SOX6: variants seen among roughly 807,000 people sequenced by gnomAD.
The protein encoded by SOX6 is SRY-box transcription factor 6.
Under a neutral mutation model 97.8 loss-of-function variants are expected in SOX6, and 11 were observed. The observed-to-expected ratio is 0.11, with a 90% confidence interval of 0.07 to 0.19. The LOEUF is 0.19. Ranked by LOEUF, SOX6 falls within the 10% of genes least tolerant of loss-of-function variation. The pLI, the probability that SOX6 is intolerant of heterozygous loss-of-function variation, is 1.00. For missense variants in SOX6, 810 were observed against 1,039.5 expected (o/e 0.78, Z 3.04); for synonymous variants, 360 against 371.4 (o/e 0.97, Z 0.35).
chr11:16,709,218 TA>T (rs894536744), intron 3 of SOX6, among the ~76,000 whole-genome samples: 1 of 152,110 alleles, frequency 6.6e-6, no homozygotes, highest in Non-Finnish European at 1.5e-5. Flanking sequence ...AATGGTTTTT[TA>T]AAGGTGTGTG....
rs56921161 is a variant in SOX6, at chr11:16,287,257, GTC to G, written c.445+31187_445+31188del. 3.1e-3 allele frequency among the ~76,000 whole-genome samples: 372 copies of G among 120,558 alleles called. 1 individual carries two copies. Among genetic ancestry groups the G allele is most frequent in the African/African-American group, 0.011 (345 of 30,530 alleles). The allele number at this position is 120,558 out of a possible 152,430, so 79.1% of individuals were successfully genotyped here. A position where few individuals can be genotyped will look rare whatever the true frequency, so the allele number is the denominator to read the frequency against. ...TCTCCTTTTAATCTCTCTTCTCTCT[GTC>G]TCTCTCTCTCTCTCTCTCTCTCTCT... On this transcript the variant is annotated intron_variant, in intron 3 of 15. Transcript: ENST00000683767.
intron 4 of SOX6, among the ~76,000 whole-genome samples, chr11:16,204,570 G>T (rs1272336035): frequency 2.6e-5 from 3 of 116,726 alleles, no homozygotes; most frequent in Non-Finnish European, 5.8e-5. Flanking sequence ...GAAAAAGAAA[G>T]AAAGAAAAAA....
rs888788759 is a variant in SOX6, at chr11:16,231,146, C to T, written c.535+3436G>A. Among the ~76,000 whole-genome samples, 22 of 151,304 alleles carry T rather than the reference C, an allele frequency of 1.5e-4. 1 individual carries two copies. The highest frequency in any genetic ancestry group is 1.3e-3 in the Admixed American group (19 of 15,184). ...GATGAAGAAGCCTTTCTAAACAAAC[C>T]CCCTATAGAAAAAAGCATTAAAGAA... On this transcript the variant is annotated intron_variant, in intron 4 of 15. Transcript: ENST00000683767.
At chr11:16,071,741 C>T (rs1848228939) in intron 9 of SOX6, among the ~76,000 whole-genome samples, 1 of 152,078 alleles carries the variant, frequency 6.6e-6, no homozygotes, top group South Asian at 2.1e-4. Context: ...TGTCTTCCAA[C>T]TGTCGTCCCT....
At chr11:16,103,488 T>C (rs1003981529) in intron 7 of SOX6, among the ~76,000 whole-genome samples, 2 of 151,932 alleles carry the variant, frequency 1.3e-5, no homozygotes, top group African/African-American at 4.8e-5. Flanking sequence ...AAAGTAGACC[T>C]ACTGTTTGAT....
chr11:16,259,282 T>C (rs921784059), intron 3 of SOX6, among the ~76,000 whole-genome samples: 6 of 152,040 alleles, frequency 3.9e-5, no homozygotes, highest in Non-Finnish European at 8.8e-5. Flanking sequence ...AATAATTTTC[T>C]GAAATCCTAA....
intron 4 of SOX6, among the ~76,000 whole-genome samples, chr11:16,493,653 A>T (rs962375416): frequency 1.3e-5 from 2 of 152,216 alleles, no homozygotes; most frequent in Non-Finnish European, 2.9e-5. Flanking sequence ...CTATAATAAA[A>T]AGGTTAAAAA....
Position 16,014,980 on chromosome 11 carries a change from G to C in SOX6, c.1694C>G (p.Pro565Arg). The C allele has an allele frequency of 1.2e-6, 2 of 1,612,960 alleles. No homozygotes were observed. The highest frequency in any genetic ancestry group is 1.7e-6 in the Non-Finnish European group (2 of 1,179,346). Residue 565 changes from proline (P) to arginine (R), a missense_variant, in exon 13 of 16, where the codon CCA (proline) becomes CGA (arginine). Pro to Arg is a moderately radical substitution (Grantham distance 103). This residue lies in a region of SOX6 where 120 missense variants were observed against 127.0 expected (regional missense o/e 0.94). Coordinates refer to ENST00000683767, the MANE Select transcript of SOX6 (RefSeq NM_001367873.1). ...TGGCCGAGTAAGGTCGATGACACCT[G>C]GGCCCAGTTTTCCATCTTCATTTGA... Reference protein sequence around the residue: ...GKSNEDGKLGPGVIDLTRPED... With the variant: ...GKSNEDGKLGRGVIDLTRPED...
At chr11:16,051,439 T>C (rs540361348) in intron 10 of SOX6, among the ~76,000 whole-genome samples, 2 of 152,294 alleles carry the variant, frequency 1.3e-5, no homozygotes, top group South Asian at 4.1e-4. Flanking sequence ...AATATAGTGA[T>C]GCCACAGATT....
rs930797051 is a variant in SOX6 at position 16,365,504 on chromosome 11, TA to T, written c.-4-24253del. On this transcript the variant is annotated intron_variant, in intron 1 of 15. Coordinates refer to the SOX6 transcript ENST00000396356. ...AAAACAACATTCTTGATCAACATAG[TA>T]AAAAAAAATTAGATGTTAATTAACC... Among the ~76,000 whole-genome samples, 5 of 151,492 alleles carry T rather than the reference TA, an allele frequency of 3.3e-5. No individual in the cohort carries two copies. In the East Asian group the frequency reaches 5.8e-4, roughly 18 times the overall value.
At chr11:16,350,582 C>A (rs1856916174) in intron 1 of SOX6, among the ~76,000 whole-genome samples, 1 of 152,002 alleles carries the variant, frequency 6.6e-6, no homozygotes, top group South Asian at 2.1e-4. Context: ...TTAATCAATT[C>A]CTGAAATTAT....
intron 3 of SOX6, among the ~76,000 whole-genome samples, chr11:16,647,205 G>A (rs1849028132): frequency 6.6e-6 from 1 of 152,070 alleles, no homozygotes; most frequent in African/African-American, 2.4e-5. Flanking sequence ...TCTGCTCCCT[G>A]TTCCTTTTGC....
chr11:16,538,393 G>A lies in SOX6; in HGVS notation n.610-62005C>T, dbSNP rs1279654492. ...AACATTCCAAGTTGTAAAGACCATC[G>A]ATGCTATGAAGAAACTGCATTAATT... On this transcript the variant is annotated intron_variant and non_coding_transcript_variant, in intron 4 of 5. Transcript: ENST00000524520. Among the ~76,000 whole-genome samples the A allele has an allele frequency of 1.2e-3, 178 of 152,286 alleles. 3 individuals are homozygous for A. Among genetic ancestry groups the A allele is most frequent in the Non-Finnish European group, 1.9e-4 (13 of 68,032 alleles).
intron 3 of SOX6, chr11:16,317,986 C>T (rs559123596): frequency 3.7e-4 from 167 of 451,802 alleles, no homozygotes; most frequent in Non-Finnish European, 6.6e-4. Flanking sequence ...ATGTTTGAAG[C>T]CCTCTAACTC....
At chr11:16,057,707 T>C (rs1847853833) in intron 9 of SOX6, among the ~76,000 whole-genome samples, 1 of 152,192 alleles carries the variant, frequency 6.6e-6, no homozygotes, top group Admixed American at 6.6e-5. Context: ...GAAAGGTGAA[T>C]GTGAGATTAA....
At chr11:16,573,387 CTTAAGAAG>C (rs1328277432) in intron 4 of SOX6, among the ~76,000 whole-genome samples, 1 of 152,120 alleles carries the variant, frequency 6.6e-6, no homozygotes, top group Non-Finnish European at 1.5e-5. Context: ...ATGTTATGCA[CTTAAGAAG>C]GCCTTTGATG....
intron 9 of SOX6, 147 bp downstream of exon 9, chr11:16,095,849 G>T (rs958196955): frequency 1.1e-5 from 10 of 914,018 alleles, no homozygotes; most frequent in Non-Finnish European, 1.5e-5. Context: ...CAAAAGAAGA[G>T]CCTCCTTAGG....
chr11:16,014,968 T>G lies in SOX6; in HGVS notation c.1706A>C (p.Asp569Ala). Residue 569 changes from aspartate to alanine, a missense_variant, in exon 13 of 16, where the codon GAC (aspartate) becomes GCC (alanine). Coordinates refer to ENST00000683767, the MANE Select transcript of SOX6 (RefSeq NM_001367873.1). ...CTCTGCATCTTCTGGCCGAGTAAGG[T>G]CGATGACACCTGGGCCCAGTTTTCC... ...EDGKLGPGVI[D>A]LTRPEDAEGS... 6.2e-7 allele frequency: 1 copy of G among 1,612,892 alleles called. No individual in the cohort carries two copies. The highest frequency in any genetic ancestry group is 1.1e-5 in the South Asian group (1 of 91,070).
intron 1 of SOX6, among the ~76,000 whole-genome samples, chr11:16,395,506 C>T (rs936276885): frequency 2.0e-5 from 3 of 151,554 alleles, no homozygotes; most frequent in Non-Finnish European, 4.4e-5. Flanking sequence ...TTAGAGGGTC[C>T]AAGAAACTGT....
Sources: gnomAD v4.1 joint callset for allele counts (sites outside exome capture counted in the v4.1 genomes callset) on GRCh38, gnomAD v4.1.1 for gene constraint, gnomAD v4.1.1 regional missense constraint, MANE v1.5 for transcripts, NCBI Gene and HGNC (gene_info 2026-07-23, HGNC 2026-07-21) for gene names.